The following PTPRG variants were observed in gnomAD, a reference collection of about 807,000 sequenced individuals.
PTPRG encodes the protein protein tyrosine phosphatase receptor type G, also known as receptor-type tyrosine-protein phosphatase gamma.
Under a neutral mutation model 165.3 loss-of-function variants are expected in PTPRG, and 102 were observed. The ratio of observed to expected loss-of-function variants is 0.62; its 90% CI spans 0.53 to 0.73. The LOEUF is 0.73. PTPRG is among the 30% of genes least tolerant of loss of function. The probability of loss-of-function intolerance (pLI) is 0.00; values close to 1 mark genes in which losing one functional copy is unlikely to be tolerated. For missense variants in PTPRG, 1,866 were observed against 1,861.4 expected (o/e 1.00, Z -0.05); for synonymous variants, 675 against 669.5 (o/e 1.01, Z -0.13).
intron 2 of PTPRG, among the ~76,000 whole-genome samples, chr3:61,979,837 T>C (rs1414010612): frequency 6.6e-6 from 1 of 152,208 alleles, no homozygotes; most frequent in Non-Finnish European, 1.5e-5. Flanking sequence ...AATCATCCTG[T>C]CTGCACCCTG....
In PTPRG at chr3:62,084,882, C is replaced by G. The variant is rs561125635; in HGVS notation, c.615+6624C>G. Among the ~76,000 whole-genome samples, 22 of 152,296 alleles carry G rather than the reference C, an allele frequency of 1.4e-4. No homozygotes were observed. In the South Asian group the frequency reaches 3.5e-3, roughly 24 times the overall value. On this transcript the variant is annotated intron_variant, in intron 5 of 29. Transcript: ENST00000474889. ...TTCATTCATCATTATGTCTCTTACA[C>G]ACGGCTAAAACTGTGGCTTGATTGT...
intron 4 of PTPRG, among the ~76,000 whole-genome samples, chr3:62,011,737 A>G (rs567622028): frequency 6.6e-6 from 1 of 152,310 alleles, no homozygotes; most frequent in South Asian, 2.1e-4. Context: ...GGAGAAGTTA[A>G]TGCCTGGTTG....
intron 25 of PTPRG, among the ~76,000 whole-genome samples, chr3:62,277,300 A>G: frequency 6.6e-6 from 1 of 152,182 alleles, no homozygotes; most frequent in South Asian, 2.1e-4. Context: ...CTAGTCTTTG[A>G]ATAAATGTTG....
chr3:61,696,468 C>T (rs1403130691), intron 1 of PTPRG, among the ~76,000 whole-genome samples: 3 of 152,154 alleles, frequency 2.0e-5, no homozygotes, highest in Non-Finnish European at 2.9e-5. Context: ...CACCATTGCA[C>T]TCCATCCTGG....
At chr3:62,048,744 A>G (rs1426812922) in intron 4 of PTPRG, among the ~76,000 whole-genome samples, 3 of 152,212 alleles carry the variant, frequency 2.0e-5, no homozygotes, top group Admixed American at 2.0e-4. Context: ...ATCTAGAATC[A>G]TACAAGTTTC....
chr3:62,168,520 C>T (rs909574345), intron 8 of PTPRG, among the ~76,000 whole-genome samples: 4 of 152,112 alleles, frequency 2.6e-5, no homozygotes, highest in African/African-American at 7.2e-5. Flanking sequence ...ATCAGTGAAA[C>T]GGGAGAGTTC....
chr3:61,729,033 G>T (rs2032380733), intron 1 of PTPRG, among the ~76,000 whole-genome samples: 1 of 151,688 alleles, frequency 6.6e-6, no homozygotes, highest in African/African-American at 2.4e-5. Context: ...TTGTGCTCCA[G>T]TCTGGGCGGC....
Position 62,150,619 on chromosome 3 carries a change from G to T in PTPRG, c.683-6448G>T, listed in dbSNP as rs577164266. Among the ~76,000 whole-genome samples the T allele has an allele frequency of 4.6e-5, 7 of 152,194 alleles. No homozygotes were observed. In the East Asian group the frequency reaches 9.7e-4, roughly 21 times the overall value. ...CTTGCATAACACCAGGCAGAGGCTAGCCCTGCCCCAGTGATCTTAGGCATT... is the reference window on the plus strand; with the variant it reads ...CTTGCATAACACCAGGCAGAGGCTATCCCTGCCCCAGTGATCTTAGGCATT... On this transcript the variant is annotated intron_variant, in intron 6 of 29. Transcript: ENST00000474889.
At chr3:61,624,441 T>C (rs570203013) in intron 1 of PTPRG, among the ~76,000 whole-genome samples, 34 of 152,252 alleles carry the variant, frequency 2.2e-4, no homozygotes, top group African/African-American at 7.7e-4. Context: ...GTATGCTCTT[T>C]TTGATTTTTC....
chr3:62,105,395 T>C (rs1208555358), intron 5 of PTPRG, among the ~76,000 whole-genome samples: 1 of 152,166 alleles, frequency 6.6e-6, no homozygotes, highest in African/African-American at 2.4e-5. Flanking sequence ...AAATTCAAGA[T>C]TGGTATTAAT....
intron 1 of PTPRG, among the ~76,000 whole-genome samples, chr3:61,580,159 C>T (rs1575515348): frequency 1.3e-5 from 2 of 152,092 alleles, no homozygotes. Flanking sequence ...CAGAGTTGTA[C>T]TCTGAGCCAG....
In PTPRG at chr3:62,003,498, G is replaced by A; in HGVS notation, c.519+1G>A. On this transcript the variant is annotated splice_donor_variant, in intron 4 of 29. Transcript: ENST00000474889. LOFTEE classifies it high-confidence loss of function. ...CAATGGCAGGAGGTTTCCTGTTGAG[G>A]TGAGAGAAAGTCAAGATCTCAACGT... The A allele has an allele frequency of 6.2e-7, 1 of 1,613,640 alleles. No individual in the cohort carries two copies. The highest frequency in any genetic ancestry group is 8.5e-7 in the Non-Finnish European group (1 of 1,179,784).
At chr3:61,843,964 CTTTT>C (rs11310810) in intron 2 of PTPRG, among the ~76,000 whole-genome samples, 3 of 122,086 alleles carry the variant, frequency 2.5e-5, no homozygotes, top group Non-Finnish European at 3.5e-5. Context: ...TTTTACAACT[CTTTT>C]TTTTTTTTTT....
chr3:62,008,846 A>C (rs1248567838), intron 4 of PTPRG, among the ~76,000 whole-genome samples: 1 of 152,140 alleles, frequency 6.6e-6, no homozygotes, highest in Admixed American at 6.6e-5. Context: ...CAGGAGGCAG[A>C]GCTCAGGTGG....
chr3:61,767,971 C>A (rs1160299829), intron 2 of PTPRG, among the ~76,000 whole-genome samples: 753 of 103,538 alleles, frequency 7.3e-3, no homozygotes, highest in South Asian at 0.011. Context: ...GACCCTGTCT[C>A]AAAAAAAAAA....
At chr3:61,965,115 G>T (rs2040238815) in intron 2 of PTPRG, among the ~76,000 whole-genome samples, 1 of 151,944 alleles carries the variant, frequency 6.6e-6, no homozygotes, top group African/African-American at 2.4e-5. Flanking sequence ...GTGGTGGCAT[G>T]TACCTGTAAT....
At chr3:62,064,720 G>A (rs1178046354) in intron 4 of PTPRG, among the ~76,000 whole-genome samples, 1 of 123,420 alleles carries the variant, frequency 8.1e-6, no homozygotes, top group African/African-American at 3.0e-5. Flanking sequence ...TGGTTATTTG[G>A]ATTTTTTTTT....
intron 3 of PTPRG, among the ~76,000 whole-genome samples, chr3:61,994,603 G>A (rs1046920475): frequency 1.1e-4 from 17 of 152,208 alleles, no homozygotes; most frequent in Admixed American, 1.0e-3. Flanking sequence ...GCCCATAAAA[G>A]TAAGGCAAGT....
chr3:61,752,797 A>AAAG lies in PTPRG; in HGVS notation c.190+3817_190+3818insGAA, dbSNP rs1559592517. Among the ~76,000 whole-genome samples, 4 of 104,000 alleles carry AAAG rather than the reference A, an allele frequency of 3.8e-5. 2 individuals are homozygous for AAAG. The highest frequency in any genetic ancestry group is 8.4e-5 in the Non-Finnish European group (4 of 47,654). The allele number at this position is 104,000 out of a possible 152,430, so 68.2% of individuals were successfully genotyped here. A position where few individuals can be genotyped will look rare whatever the true frequency, so the allele number is the denominator to read the frequency against. ...AGCAAGACTGTCTCAAAAAAAAAAA[A>AAAG]AAAAGAAAAAAAAAAAGAAAATATT... On this transcript the variant is annotated intron_variant, in intron 2 of 29. Transcript: ENST00000474889.
Sources: gnomAD v4.1 joint callset for allele counts (sites outside exome capture counted in the v4.1 genomes callset) on GRCh38, gnomAD v4.1.1 for gene constraint, MANE v1.5 for transcripts, NCBI Gene and HGNC (gene_info 2026-07-23, HGNC 2026-07-21) for gene names.